Variants in GNAS observed in about 807,000 individuals in gnomAD.
GNAS encodes the protein protein ALEX.
In GNAS, 8 loss-of-function variants were observed where a neutral mutation model predicts 54.5. That is an observed-to-expected ratio of 0.15 (90% CI 0.09 to 0.26). GNAS has a LOEUF of 0.26. GNAS is among the 10% of genes least tolerant of loss of function. The pLI is 1.00. For missense variants in GNAS, 170 were observed against 529.8 expected (o/e 0.32, Z 6.67); for synonymous variants, 204 against 191.4 (o/e 1.07, Z -0.54).
In GNAS at chr20:58,854,985, G is replaced by T. The variant is rs767833799; in HGVS notation, c.43+14099G>T. 9 of 1,612,188 alleles carry T rather than the reference G, an allele frequency of 5.6e-6. No individual in the cohort carries two copies. The African/African-American group carries it at 8.0e-5, about 14-fold the overall frequency. On this transcript the variant is annotated intron_variant, in intron 1 of 12. Coordinates refer to the GNAS transcript ENST00000306090. The stretch of plus-strand genomic sequence containing the variant: ...CGATGAAGGGGTGGCCAGCAGCGAC[G>T]ATGACTCCAGCGGAGACGAGTCCGA...
chr20:58,854,753 TCCCACTG>T, intron 1 of GNAS: 1 of 1,544,354 alleles, frequency 6.5e-7, no homozygotes, highest in South Asian at 1.2e-5. Context: ...ACGCAGGGGC[TCCCACTG>T]CCCCAGCCGC....
upstream of GNAS, among the ~76,000 whole-genome samples, chr20:58,888,004 T>C (rs1162952612): frequency 6.6e-6 from 1 of 152,236 alleles, no homozygotes; most frequent in Non-Finnish European, 1.5e-5. Flanking sequence ...TTTTCAAAGC[T>C]AACTTAAAAT....
In GNAS at chr20:58,853,422, C is replaced by A; in HGVS notation, c.43+12536C>A. 1 of 1,595,884 alleles carries A rather than the reference C, an allele frequency of 6.3e-7. No homozygotes were observed. The highest frequency in any genetic ancestry group is 8.5e-7 in the Non-Finnish European group (1 of 1,171,818). On this transcript the variant is annotated intron_variant, in intron 1 of 12. Transcript: ENST00000306090. This position sits in a 1 kb window ranked among gnomAD's most constrained non-coding sequence, Gnocchi z 4.4. ...CCCAGCCGAAGAGATGGAGACCGAA[C>A]CGCCTCACAACGAGCCCATCCCCGT... is the stretch of plus-strand genomic sequence containing the variant.
chr20:58,843,078 T>A (rs2085799516), intron 1 of GNAS, among the ~76,000 whole-genome samples: 1 of 152,180 alleles, frequency 6.6e-6, no homozygotes, highest in Admixed American at 6.5e-5. Flanking sequence ...AGGGGCAATC[T>A]AGGAACACAC....
At position 58,899,649 on chromosome 20, in the gene GNAS, TCACACACACACACACG is replaced by T. The variant is rs2090410692; in HGVS notation, c.257+673_257+688del. Among the ~76,000 whole-genome samples, 3 of 133,238 alleles carry T rather than the reference TCACACACACACACACG, an allele frequency of 2.3e-5. 1 individual carries two copies. In the South Asian group the frequency reaches 9.9e-4, roughly 44 times the overall value. The allele number at this position is 133,238 out of a possible 152,430, so 87.4% of individuals were successfully genotyped here. A position where few individuals can be genotyped will look rare whatever the true frequency, so the allele number is the denominator to read the frequency against. ...TTTGCTTCCTGCATCCCCACACCCATCACACACACACACACGCACACACATGCACATGCATACACAG... is the reference window on the plus strand; with the variant it reads ...TTTGCTTCCTGCATCCCCACACCCATCACACACATGCACATGCATACACAG... On this transcript the variant is annotated intron_variant, in intron 3 of 12. Coordinates refer to ENST00000371085, the MANE Select transcript of GNAS (RefSeq NM_000516.7).
rs1042269390 is a variant in GNAS, at chr20:58,854,776, C to T, written c.43+13890C>T. On this transcript the variant is annotated intron_variant, in intron 1 of 12. Coordinates refer to the GNAS transcript ENST00000306090. ...GCTCCCACTGCCCCAGCCGCTTCTG[C>T]CACCCGGGCAGCCCAAGTCCGCCGG... The T allele has an allele frequency of 4.3e-5, 67 of 1,561,860 alleles. 1 individual carries two copies. Among genetic ancestry groups the T allele is most frequent in the Non-Finnish European group, 5.5e-5 (64 of 1,160,908 alleles).
At position 58,853,293 on chromosome 20, in the gene GNAS, A is replaced by G. The variant is rs1461777491; in HGVS notation, c.43+12407A>G. 4 of 1,549,712 alleles carry G rather than the reference A, an allele frequency of 2.6e-6. 1 individual carries two copies. The highest frequency in any genetic ancestry group is 3.5e-6 in the Non-Finnish European group (4 of 1,146,358). ...GGGCGTGCGCAACTGCCTCTACGGC[A>G]ATAATATGTCAGGACAACGCGATAT... On this transcript the variant is annotated intron_variant, in intron 1 of 12. Transcript: ENST00000306090. The surrounding 1 kb of genome is among the most constrained non-coding windows in gnomAD (Gnocchi z 4.4).
intron 6 of GNAS, chr20:58,908,955 C>T (rs1329928619): frequency 1.1e-5 from 8 of 710,654 alleles, no homozygotes; most frequent in Non-Finnish European, 2.1e-5. Context: ...AATTATTTAT[C>T]TTAAATCCTG....
chr20:58,855,241 A>G, intron 1 of GNAS: 2 of 1,591,632 alleles, frequency 1.3e-6, no homozygotes, highest in Non-Finnish European at 1.7e-6. Context: ...CGGGCCCAGA[A>G]GCGCGCAGAG....
chr20:58,855,808 A>G, intron 1 of GNAS: 2 of 602,736 alleles, frequency 3.3e-6, no homozygotes, highest in Non-Finnish European at 5.9e-6. Flanking sequence ...GTTGGTGTCC[A>G]TATTCTGTGT....
At chr20:58,877,509 C>T (rs528010872) in intron 1 of GNAS, among the ~76,000 whole-genome samples, 17 of 152,258 alleles carry the variant, frequency 1.1e-4, no homozygotes, top group Non-Finnish European at 1.8e-4. Flanking sequence ...TGGTCACATA[C>T]CTTATTGTTG....
intron 1 of GNAS, among the ~76,000 whole-genome samples, chr20:58,868,018 C>CTTT (rs1039652341): frequency 4.4e-5 from 6 of 137,170 alleles, no homozygotes; most frequent in Non-Finnish European, 7.7e-5. Flanking sequence ...CTGTTTCTTT[C>CTTT]TTTCTTTTTT....
At chr20:58,908,628 C>G (rs910596103) in intron 6 of GNAS, among the ~76,000 whole-genome samples, 1 of 151,868 alleles carries the variant, frequency 6.6e-6, no homozygotes, top group Admixed American at 6.6e-5. Flanking sequence ...AAACTGTTTG[C>G]CATTTTAATC....
At chr20:58,891,271 C>G (rs1250321177), upstream of GNAS, 3 of 145,802 alleles carry the variant, frequency 2.1e-5, no homozygotes, top group South Asian at 3.7e-4. Flanking sequence ...CGCTCCTCGG[C>G]CCTCCTCCTC....
At chr20:58,906,136 C>T (rs1171828418) in intron 6 of GNAS, among the ~76,000 whole-genome samples, 1 of 152,128 alleles carries the variant, frequency 6.6e-6, no homozygotes, top group Non-Finnish European at 1.5e-5. Context: ...AGTACAATAC[C>T]GTGGTGGGGT....
chr20:58,853,653 G>A lies in GNAS; in HGVS notation c.43+12767G>A, dbSNP rs755693765. The stretch of plus-strand genomic sequence containing the variant: ...TGGATTCCCCAGTGGGGTCCATGCA[G>A]GCCTTGAGGCCTTCGGCCCAGCACT... On this transcript the variant is annotated intron_variant, in intron 1 of 12. Transcript: ENST00000306090. The surrounding 1 kb of genome is among the most constrained non-coding windows in gnomAD (Gnocchi z 4.4). 2.5e-5 allele frequency: 40 copies of A among 1,613,610 alleles called. No individual in the cohort carries two copies. Among genetic ancestry groups the A allele is most frequent in the Non-Finnish European group, 3.3e-5 (39 of 1,179,880 alleles).
upstream of GNAS, chr20:58,890,808 T>A (rs2089145947): frequency 6.6e-6 from 1 of 152,324 alleles, no homozygotes; most frequent in South Asian, 2.1e-4. Flanking sequence ...TTATTCGTGT[T>A]CGTGTGTGTG....
chr20:58,857,492 A>G lies in GNAS; in HGVS notation c.43+16606A>G, dbSNP rs936120280. Reference sequence around the variant, plus strand: ...ATTGGGGGTGGGAGGACATAAATGCATACAGACAGGAGACCCAAGTGACAG... The same window carrying G: ...ATTGGGGGTGGGAGGACATAAATGCGTACAGACAGGAGACCCAAGTGACAG... On this transcript the variant is annotated intron_variant, in intron 1 of 12. Transcript: ENST00000306090. This position sits in a 1 kb window ranked among gnomAD's most constrained non-coding sequence, Gnocchi z 4.1. 2.6e-5 allele frequency among the ~76,000 whole-genome samples: 4 copies of G among 152,224 alleles called. No homozygotes were observed. The highest frequency in any genetic ancestry group is 7.2e-5 in the African/African-American group (3 of 41,450).
At chr20:58,891,079 A>G (rs770818231), upstream of GNAS, among the ~76,000 whole-genome samples, 4 of 143,938 alleles carry the variant, frequency 2.8e-5, no homozygotes, top group Non-Finnish European at 3.0e-5. Flanking sequence ...ACTGGCGCGG[A>G]GACGCCCCCT....
Sources: gnomAD v4.1 joint callset for allele counts (sites outside exome capture counted in the v4.1 genomes callset) on GRCh38, gnomAD v4.1.1 for gene constraint, Gnocchi (gnomAD v3.1) non-coding constraint, MANE v1.5 for transcripts, NCBI Gene and HGNC (gene_info 2026-07-23, HGNC 2026-07-21) for gene names.